The following TPST1 variants were observed in gnomAD, a reference collection of about 807,000 sequenced individuals.
TPST1 encodes protein-tyrosine sulfotransferase 1.
Under a neutral mutation model 34.8 loss-of-function variants are expected in TPST1, and 20 were observed. The ratio of observed to expected loss-of-function variants is 0.57; its 90% CI spans 0.40 to 0.84. The LOEUF (loss-of-function observed/expected upper bound fraction) is 0.84. TPST1 is among the 40% of genes least tolerant of loss of function. The pLI, the probability that TPST1 is intolerant of heterozygous loss-of-function variation, is 0.00. For synonymous variants in TPST1, 152 were observed against 159.4 expected (o/e 0.95, Z 0.35); for missense variants, 353 against 455.5 (o/e 0.78, Z 2.05).
chr7:66,328,904 ATATTTTTTT>A lies in TPST1; in HGVS notation c.1045-23599_1045-23591del, dbSNP rs1323102588. ...TCTCTCTCTATATATATATATATAT[ATATTTTTTT>A]TTTTTTTTTTTTTTTTGAGACAGGG... is the stretch of plus-strand genomic sequence containing the variant. On this transcript the variant is annotated intron_variant, in intron 3 of 5. Transcript: ENST00000304842. 1.2e-3 allele frequency among the ~76,000 whole-genome samples: 31 copies of A among 25,998 alleles called. No homozygotes were observed. In the East Asian group the frequency reaches 0.023, roughly 19 times the overall value. The allele number at this position is 25,998 out of a possible 152,430, so 17.1% of individuals were successfully genotyped here. A position where few individuals can be genotyped will look rare whatever the true frequency, so the allele number is the denominator to read the frequency against.
intron 2 of TPST1, among the ~76,000 whole-genome samples, chr7:66,251,787 C>T (rs1462617212): frequency 6.6e-6 from 1 of 150,708 alleles, no homozygotes; most frequent in Non-Finnish European, 1.5e-5. Context: ...TTTTTTCGGT[C>T]AGGTTCTTTT....
At chr7:66,319,219 T>C (rs969008072) in intron 3 of TPST1, among the ~76,000 whole-genome samples, 13 of 152,194 alleles carry the variant, frequency 8.5e-5, no homozygotes, top group Admixed American at 7.9e-4. Flanking sequence ...AATGTTGCAT[T>C]CTGTCCTCCA....
chr7:66,227,278 G>A (rs1051216452), intron 1 of TPST1, among the ~76,000 whole-genome samples: 12 of 151,852 alleles, frequency 7.9e-5, no homozygotes, highest in Non-Finnish European at 1.5e-4. Context: ...TGATCTACCC[G>A]TCTCGGCCTC....
chr7:66,278,898 A>G (rs1455053907), intron 2 of TPST1, among the ~76,000 whole-genome samples: 2 of 152,222 alleles, frequency 1.3e-5, no homozygotes, highest in African/African-American at 4.8e-5. Flanking sequence ...TATGATTCTA[A>G]ACATACATAT....
chr7:66,261,809 G>A (rs904428054), intron 2 of TPST1, among the ~76,000 whole-genome samples: 2 of 152,044 alleles, frequency 1.3e-5, no homozygotes, highest in Admixed American at 6.6e-5. Context: ...TGGCATTTAC[G>A]TCATAGGGTT....
upstream of TPST1, chr7:66,205,251 G>C: frequency 6.6e-6 from 1 of 152,256 alleles, no homozygotes; most frequent in Non-Finnish European, 1.5e-5. The surrounding 1 kb of genome is among the most constrained non-coding windows in gnomAD (Gnocchi z 5.0). Context: ...CCGACACATC[G>C]TCCGCTCAGC....
intron 1 of TPST1, among the ~76,000 whole-genome samples, chr7:66,224,097 G>A (rs904671786): frequency 6.6e-6 from 1 of 152,088 alleles, no homozygotes; most frequent in Admixed American, 6.6e-5. Context: ...TGGGTCTGGT[G>A]CCAGCCCCTA....
At chr7:66,278,737 C>T (rs191558365) in intron 2 of TPST1, among the ~76,000 whole-genome samples, 1 of 151,284 alleles carries the variant, frequency 6.6e-6, no homozygotes, top group Non-Finnish European at 1.5e-5. Context: ...GAGCCGAGAT[C>T]GCACCACTGC....
At chr7:66,350,785 A>G (rs1459858265) in intron 3 of TPST1, among the ~76,000 whole-genome samples, 1 of 152,016 alleles carries the variant, frequency 6.6e-6, no homozygotes, top group Admixed American at 6.6e-5. Context: ...ACTTCTTCCT[A>G]GTGGATTGCT....
chr7:66,280,618 C>T (rs1339903625), intron 2 of TPST1, among the ~76,000 whole-genome samples: 2 of 152,142 alleles, frequency 1.3e-5, no homozygotes, highest in Non-Finnish European at 2.9e-5. Flanking sequence ...TTTCTTACTA[C>T]TCTATCTAGG....
At chr7:66,293,650 G>A (rs931500374) in intron 3 of TPST1, among the ~76,000 whole-genome samples, 1 of 152,174 alleles carries the variant, frequency 6.6e-6, no homozygotes, top group African/African-American at 2.4e-5. Context: ...TCACTGTTGG[G>A]AGATTTATTC....
In TPST1 at chr7:66,230,556, C is replaced by T. The variant is rs544347939; in HGVS notation, c.-101-9769C>T. 1.6e-4 allele frequency among the ~76,000 whole-genome samples: 24 copies of T among 152,068 alleles called. No individual in the cohort carries two copies. In the East Asian group the frequency reaches 3.7e-3, roughly 23 times the overall value. ...GAGTGTTACAGCTCTTAAGGCAGCG[C>T]GTCTGGAGCTGTTCGTTCCTCCCGG... On this transcript the variant is annotated intron_variant, in intron 1 of 5. Coordinates refer to ENST00000304842, the MANE Select transcript of TPST1 (RefSeq NM_003596.4).
At chr7:66,275,520 C>T (rs1790790419) in intron 2 of TPST1, among the ~76,000 whole-genome samples, 1 of 152,186 alleles carries the variant, frequency 6.6e-6, no homozygotes. Context: ...GGCATACATA[C>T]ACAATGGAAT....
intron 2 of TPST1, among the ~76,000 whole-genome samples, chr7:66,271,106 CCA>C (rs1790695097): frequency 6.6e-6 from 1 of 152,032 alleles, no homozygotes. Context: ...TCCCAAGAGA[CCA>C]ATTTTATATG....
intron 4 of TPST1, among the ~76,000 whole-genome samples, chr7:66,354,197 G>A (rs896290616): frequency 3.9e-5 from 6 of 152,146 alleles, no homozygotes; most frequent in Non-Finnish European, 7.3e-5. Flanking sequence ...ACAGAGCTCT[G>A]GGCCCAGGCT....
rs1299138303 is a variant in TPST1, at chr7:66,328,906, A to ATATTTT, written c.1045-23598_1045-23597insATTTTT. Among the ~76,000 whole-genome samples the ATATTTT allele has an allele frequency of 1.8e-3, 24 of 13,148 alleles. 1 individual carries two copies. The highest frequency in any genetic ancestry group is 4.0e-3 in the African/African-American group (7 of 1,766). 8.6% of individuals were successfully genotyped at this position (13,148 alleles called of 152,430 possible). The stretch of plus-strand genomic sequence containing the variant: ...TCTCTCTATATATATATATATATAT[A>ATATTTT]TTTTTTTTTTTTTTTTTTTTTTTGA... On this transcript the variant is annotated intron_variant, in intron 3 of 5. Transcript: ENST00000304842.
rs113261561 is a variant in TPST1 at position 66,294,151 on chromosome 7, A to G, written c.1044+7442A>G. Among the ~76,000 whole-genome samples the G allele has an allele frequency of 3.5e-4, 54 of 152,276 alleles. 5 individuals carry two copies. Among genetic ancestry groups the G allele is most frequent in the African/African-American group, 1.2e-3 (49 of 41,566 alleles). On this transcript the variant is annotated intron_variant, in intron 3 of 5. Coordinates refer to ENST00000304842, the MANE Select transcript of TPST1 (RefSeq NM_003596.4). Reference sequence around the variant, plus strand: ...CTCCAGAACATTTTTTGTCTTCCCAAACTGAAATTCTGTACCCATACTCTT... The same window carrying G: ...CTCCAGAACATTTTTTGTCTTCCCAGACTGAAATTCTGTACCCATACTCTT...
At chr7:66,347,795 A>G (rs1210370885) in intron 3 of TPST1, among the ~76,000 whole-genome samples, 5 of 152,184 alleles carry the variant, frequency 3.3e-5, no homozygotes. Context: ...GTTGGCACAT[A>G]AAAATGCTAC....
chr7:66,281,964 A>G (rs1386299650), intron 2 of TPST1, among the ~76,000 whole-genome samples: 1 of 152,176 alleles, frequency 6.6e-6, no homozygotes, highest in Non-Finnish European at 1.5e-5. Context: ...GACGGAAGGA[A>G]GCCTGGGCAG....
Sources: allele counts gnomAD v4.1 joint callset (sites outside exome capture counted in the v4.1 genomes callset), GRCh38; gene constraint gnomAD v4.1.1; non-coding constraint Gnocchi (gnomAD v3.1); transcripts MANE v1.5; gene names NCBI Gene and HGNC (gene_info 2026-07-23, HGNC 2026-07-21).